SKAP2: variants seen among roughly 807,000 people sequenced by gnomAD.
SKAP2 encodes the protein src kinase associated phosphoprotein 2, also known as src kinase-associated phosphoprotein 2.
Under a neutral mutation model 54.9 loss-of-function variants are expected in SKAP2, and 28 were observed. The ratio of observed to expected loss-of-function variants is 0.51; its 90% CI spans 0.38 to 0.70. The LOEUF is 0.70. Ranked by LOEUF, SKAP2 falls within the 30% of genes least tolerant of loss-of-function variation. The pLI, the probability that SKAP2 is intolerant of heterozygous loss-of-function variation, is 0.00. For synonymous variants in SKAP2, 137 were observed against 134.3 expected (o/e 1.02, Z -0.14); for missense variants, 356 against 424.1 (o/e 0.84, Z 1.41).
chr7:26,753,582 T>G (rs1184784970), intron 4 of SKAP2, among the ~76,000 whole-genome samples: 1 of 152,218 alleles, frequency 6.6e-6, no homozygotes, highest in African/African-American at 2.4e-5. Flanking sequence ...TACCTAATTT[T>G]GGGGTCATTA....
At chr7:26,822,011 AT>A (rs1435738021) in intron 4 of SKAP2, among the ~76,000 whole-genome samples, 1 of 152,004 alleles carries the variant, frequency 6.6e-6, no homozygotes, top group Non-Finnish European at 1.5e-5. Flanking sequence ...AATAATAATT[AT>A]TAATGTAAGT....
chr7:26,844,628 T>TCATTTTATACATTTTTATA (rs1180037480), intron 3 of SKAP2, among the ~76,000 whole-genome samples: 4 of 152,166 alleles, frequency 2.6e-5, no homozygotes, highest in Non-Finnish European at 2.9e-5. Context: ...TTGTATAAAA[T>TCATTTTATACATTTTTATA]CATTTTATAC....
chr7:26,853,959 CT>C (rs1785104604), intron 3 of SKAP2, among the ~76,000 whole-genome samples, 177 bp downstream of exon 3: 3 of 152,220 alleles, frequency 2.0e-5, no homozygotes, highest in South Asian at 4.1e-4. Context: ...TCTGGATATA[CT>C]TTTTAATTTT....
intron 4 of SKAP2, among the ~76,000 whole-genome samples, chr7:26,741,729 G>A (rs1018389034): frequency 5.3e-5 from 8 of 151,244 alleles, no homozygotes; most frequent in Admixed American, 4.6e-4. Flanking sequence ...CCATAAATTT[G>A]CCTATTGTGT....
chr7:26,769,779 G>A (rs1307897940), intron 4 of SKAP2, among the ~76,000 whole-genome samples: 2 of 152,114 alleles, frequency 1.3e-5, no homozygotes, highest in African/African-American at 4.8e-5. Flanking sequence ...TATCACCAAC[G>A]GAGGCTGCAG....
At chr7:26,665,349 T>C (rs1014021994), downstream of SKAP2, among the ~76,000 whole-genome samples, 1 of 152,198 alleles carries the variant, frequency 6.6e-6, no homozygotes, top group Non-Finnish European at 1.5e-5. Flanking sequence ...AACTTTCTTA[T>C]TATTCACAAT....
intron 9 of SKAP2, among the ~76,000 whole-genome samples, chr7:26,711,258 G>A (rs1424831095): frequency 1.3e-5 from 2 of 152,090 alleles, no homozygotes; most frequent in African/African-American, 2.4e-5. Flanking sequence ...CTTTGGAATT[G>A]GTGAGAGCAT....
At chr7:26,663,398 T>C (rs1253679256), downstream of SKAP2, among the ~76,000 whole-genome samples, 1 of 152,084 alleles carries the variant, frequency 6.6e-6, no homozygotes, top group Non-Finnish European at 1.5e-5. Context: ...AAAGGACTTG[T>C]TCAAAAAACA....
intron 9 of SKAP2, among the ~76,000 whole-genome samples, chr7:26,717,759 G>A (rs189905238): frequency 3.3e-5 from 5 of 150,582 alleles, no homozygotes; most frequent in African/African-American, 1.2e-4. Context: ...TTGAACCTCG[G>A]GGGTAGAGGT....
chr7:26,682,017 CAG>C (rs1171180563), intron 11 of SKAP2, among the ~76,000 whole-genome samples: 1 of 151,846 alleles, frequency 6.6e-6, no homozygotes, highest in East Asian at 1.9e-4. Flanking sequence ...TAAAAAAAAA[CAG>C]AAAGGTAAAA....
intron 3 of SKAP2, among the ~76,000 whole-genome samples, chr7:26,852,788 A>G (rs986762856): frequency 2.0e-5 from 3 of 152,186 alleles, no homozygotes; most frequent in Non-Finnish European, 4.4e-5. Flanking sequence ...TTAAATGTAC[A>G]AATAATTAAG....
At chr7:26,675,425 C>A (rs1055610055) in intron 11 of SKAP2, among the ~76,000 whole-genome samples, 11 of 152,168 alleles carry the variant, frequency 7.2e-5, no homozygotes, top group Admixed American at 6.5e-4. Flanking sequence ...TTATATCTCT[C>A]ATTTCAAGCT....
At chr7:26,849,697 A>AT (rs1362309242) in intron 3 of SKAP2, among the ~76,000 whole-genome samples, 1 of 151,916 alleles carries the variant, frequency 6.6e-6, no homozygotes, top group African/African-American at 2.4e-5. Context: ...AAAAAAAAAA[A>AT]AAAAAAGCTG....
At chr7:26,670,981 C>A (rs1414123019) in intron 11 of SKAP2, among the ~76,000 whole-genome samples, 1 of 151,976 alleles carries the variant, frequency 6.6e-6, no homozygotes, top group Admixed American at 6.6e-5. Flanking sequence ...ACAGAGTGGT[C>A]GATGAGTCAC....
chr7:26,721,890 G>A (rs1005965999), intron 9 of SKAP2, among the ~76,000 whole-genome samples: 14 of 152,166 alleles, frequency 9.2e-5, no homozygotes, highest in African/African-American at 3.4e-4. Context: ...GATTCAAAAT[G>A]AGACAAAGAC....
Position 26,772,661 on chromosome 7 carries a change from A to G in SKAP2, c.308-32697T>C, listed in dbSNP as rs80223936. On this transcript the variant is annotated intron_variant, in intron 4 of 12. Coordinates refer to ENST00000345317, the MANE Select transcript of SKAP2 (RefSeq NM_003930.5). Reference sequence around the variant, plus strand: ...TCTAGATTAATTCAATGTAGTTGCTATTGTGAATAGTGCTTGTATGCAGCA... The same window carrying G: ...TCTAGATTAATTCAATGTAGTTGCTGTTGTGAATAGTGCTTGTATGCAGCA... 7.9e-5 allele frequency among the ~76,000 whole-genome samples: 12 copies of G among 152,324 alleles called. No homozygotes were observed. In the East Asian group the frequency reaches 2.3e-3, roughly 29 times the overall value.
At chr7:26,774,265 A>C (rs1020123407) in intron 4 of SKAP2, among the ~76,000 whole-genome samples, 1 of 152,122 alleles carries the variant, frequency 6.6e-6, no homozygotes, top group Non-Finnish European at 1.5e-5. Flanking sequence ...GTGAGCCAAG[A>C]CTGTGCCATT....
At chr7:26,662,712 G>C (rs1786034542), downstream of SKAP2, among the ~76,000 whole-genome samples, 1 of 152,112 alleles carries the variant, frequency 6.6e-6, no homozygotes, top group Non-Finnish European at 1.5e-5. Flanking sequence ...AAGCAACAGA[G>C]AGATAATAAC....
intron 4 of SKAP2, among the ~76,000 whole-genome samples, chr7:26,757,845 T>C (rs1458594778): frequency 1.3e-5 from 2 of 152,196 alleles, no homozygotes; most frequent in Admixed American, 6.5e-5. Flanking sequence ...CACTGCAACC[T>C]CTGCCTCCCA....
Sources: allele counts gnomAD v4.1 joint callset (sites outside exome capture counted in the v4.1 genomes callset), GRCh38; gene constraint gnomAD v4.1.1; transcripts MANE v1.5; gene names NCBI Gene and HGNC (gene_info 2026-07-23, HGNC 2026-07-21).